The following TNFSF8 variants were observed in gnomAD, a reference collection of about 807,000 sequenced individuals.
The protein encoded by TNFSF8 is tumor necrosis factor ligand superfamily member 8.
A neutral mutation model predicts 22.0 loss-of-function variants in TNFSF8; 4 were observed. The ratio of observed to expected loss-of-function variants is 0.18; its 90% CI spans 0.09 to 0.42. The LOEUF (loss-of-function observed/expected upper bound fraction) is 0.42, where lower values mean the gene tolerates loss of function less well. Ranked by LOEUF, TNFSF8 falls within the 10% of genes least tolerant of loss-of-function variation. The pLI is 1.00. For synonymous variants in TNFSF8, 106 were observed against 112.5 expected (o/e 0.94, Z 0.37); for missense variants, 233 against 281.8 (o/e 0.83, Z 1.24).
chr9:114,928,964 G>A (rs146653082), intron 1 of TNFSF8, among the ~76,000 whole-genome samples: 1 of 152,118 alleles, frequency 6.6e-6, no homozygotes, highest in Admixed American at 6.5e-5. Context: ...AAATTCAGCA[G>A]GATTATAATA....
rs925205599 is a variant in TNFSF8 at position 114,893,945 on chromosome 9, G to C, written c.*134C>G. ...CAGGTCTAGATGATTCTGTTTGTGG[G>C]GGGTGAACCGTTTCCTGGCTATGTC... On this transcript the variant is annotated 3_prime_UTR_variant, in exon 5 of 5. Coordinates refer to the TNFSF8 transcript ENST00000618336. 21 of 692,962 alleles carry C rather than the reference G, an allele frequency of 3.0e-5. No homozygotes were observed. In the South Asian group the frequency reaches 3.0e-4, roughly 10 times the overall value. 42.9% of individuals were successfully genotyped at this position (692,962 alleles called of 1,614,324 possible).
chr9:114,917,548 T>C (rs904075477), intron 2 of TNFSF8, among the ~76,000 whole-genome samples: 1 of 152,176 alleles, frequency 6.6e-6, no homozygotes, highest in Non-Finnish European at 1.5e-5. Flanking sequence ...ACTTCAATGA[T>C]TGGAAATATA....
rs761869224 is a variant in TNFSF8, at chr9:114,904,319, T to C, written c.317A>G (p.Lys106Arg). Residue 106 changes from lysine to arginine, a missense_variant, in exon 4 of 4, where the codon AAG (lysine) becomes AGG (arginine). Coordinates refer to ENST00000223795, the MANE Select transcript of TNFSF8 (RefSeq NM_001244.4). ...KKSWAYLQVA[K>R]HLNKTKLSWN... Reference sequence around the variant, plus strand: ...AGACAACTTGGTTTTGTTTAGATGCTTTGCCACTAGAAAGAGAAGTATAGA... The same window carrying C: ...AGACAACTTGGTTTTGTTTAGATGCCTTGCCACTAGAAAGAGAAGTATAGA... 5.6e-6 allele frequency: 9 copies of C among 1,602,030 alleles called. No homozygotes were observed. Among genetic ancestry groups the C allele is most frequent in the Non-Finnish European group, 6.0e-6 (7 of 1,173,188 alleles).
intron 2 of TNFSF8, among the ~76,000 whole-genome samples, chr9:114,907,963 G>A (rs1827804868): frequency 6.6e-6 from 1 of 152,186 alleles, no homozygotes; most frequent in South Asian, 2.1e-4. Flanking sequence ...ATTCCTGACT[G>A]CTGTCCGGGA....
chr9:114,930,417 G>T lies in TNFSF8; in HGVS notation c.-114C>A. 1 of 900,364 alleles carries T rather than the reference G, an allele frequency of 1.1e-6. No individual in the cohort carries two copies. The highest frequency in any genetic ancestry group is 1.5e-6 in the Non-Finnish European group (1 of 659,372). 55.8% of individuals were successfully genotyped at this position (900,364 alleles called of 1,614,324 possible). ...CCTGAATCCTGAATCATGTGACTTG[G>T]AAAAAAACCTTCACCTGCTGCCTGG... On this transcript the variant is annotated 5_prime_UTR_variant, in exon 1 of 4. Coordinates refer to ENST00000223795, the MANE Select transcript of TNFSF8 (RefSeq NM_001244.4).
chr9:114,921,661 C>G (rs187275419), intron 1 of TNFSF8, among the ~76,000 whole-genome samples: 9 of 152,338 alleles, frequency 5.9e-5, no homozygotes, highest in Non-Finnish European at 1.2e-4. Flanking sequence ...TCCTAGAATT[C>G]TCTCCCTAAT....
chr9:114,925,520 A>G (rs879283005), intron 1 of TNFSF8, among the ~76,000 whole-genome samples: 23 of 152,066 alleles, frequency 1.5e-4, no homozygotes, highest in Non-Finnish European at 4.4e-5. Context: ...TTCTAAGGGT[A>G]TGCTTCAGTT....
chr9:114,930,149 A>G lies in TNFSF8; in HGVS notation c.155T>C (p.Phe52Ser). The G allele has an allele frequency of 1.3e-6, 2 of 1,583,708 alleles. No homozygotes were observed. The highest frequency in any genetic ancestry group is 2.4e-5 in the East Asian group (1 of 41,732). Residue 52 changes from phenylalanine (F) to serine (S), a missense_variant, in exon 1 of 4, where the codon TTC becomes TCC. By Grantham distance (155) the Phe-to-Ser change is radical. Transcript: ENST00000223795. ...TTATLALCLV[F>S]TVATIMVLVV... ...CAACACCATAATAGTGGCCACCGTGAAGACAAGGCACAGAGCCAGAGTGGC... is the reference window on the plus strand; with the variant it reads ...CAACACCATAATAGTGGCCACCGTGGAGACAAGGCACAGAGCCAGAGTGGC...
intron 2 of TNFSF8, among the ~76,000 whole-genome samples, chr9:114,916,192 A>G (rs1827916596): frequency 1.3e-5 from 2 of 152,222 alleles, no homozygotes; most frequent in Admixed American, 6.5e-5. Context: ...GGACATTTTG[A>G]CACACAAAAA....
chr9:114,922,296 CTGTT>C (rs1274432644), intron 1 of TNFSF8, among the ~76,000 whole-genome samples: 1 of 152,150 alleles, frequency 6.6e-6, no homozygotes, highest in Non-Finnish European at 1.5e-5. Flanking sequence ...AAAGGCAGCT[CTGTT>C]TGGAATATGC....
chr9:114,912,594 T>G (rs542672511), intron 2 of TNFSF8, among the ~76,000 whole-genome samples: 1 of 152,304 alleles, frequency 6.6e-6, no homozygotes, highest in African/African-American at 2.4e-5. Context: ...TTTCACCATG[T>G]TGGCCAGAAT....
intron 1 of TNFSF8, among the ~76,000 whole-genome samples, chr9:114,921,327 A>G (rs946475646): frequency 2.0e-5 from 3 of 152,224 alleles, no homozygotes; most frequent in African/African-American, 7.2e-5. Context: ...AATCAAAGCC[A>G]GAGGGAGATT....
intron 1 of TNFSF8, among the ~76,000 whole-genome samples, chr9:114,923,729 C>T (rs1443607271): frequency 1.3e-5 from 2 of 151,846 alleles, no homozygotes; most frequent in Admixed American, 1.3e-4. Flanking sequence ...TGTTGGCCAG[C>T]CTGGTCTTGA....
intron 2 of TNFSF8, 135 bp downstream of exon 2, chr9:114,917,961 C>G: frequency 1.3e-6 from 1 of 775,626 alleles, no homozygotes; most frequent in Non-Finnish European, 2.0e-6. Flanking sequence ...CCTGAACAGC[C>G]CTTGCCTCCA....
In TNFSF8 at chr9:114,916,394, G is replaced by A. The variant is rs748525793; in HGVS notation, c.238+1702C>T. Among the ~76,000 whole-genome samples the A allele has an allele frequency of 5.3e-5, 8 of 152,276 alleles. No individual in the cohort carries two copies. In the South Asian group the frequency reaches 1.5e-3, roughly 28 times the overall value. On this transcript the variant is annotated intron_variant, in intron 2 of 3. Coordinates refer to ENST00000223795, the MANE Select transcript of TNFSF8 (RefSeq NM_001244.4). ...CTTTGCATTGAAGTGCTCTTTAGGC[G>A]AGGAAACTGAGATCCAGAATGGCTA...
At chr9:114,921,300 G>A (rs1255158494) in intron 1 of TNFSF8, among the ~76,000 whole-genome samples, 14 of 152,118 alleles carry the variant, frequency 9.2e-5, no homozygotes, top group South Asian at 2.1e-4. Flanking sequence ...AGCTACCCAT[G>A]GTAGTCAAGA....
At chr9:114,907,130 G>T (rs1427492864) in intron 2 of TNFSF8, among the ~76,000 whole-genome samples, 1 of 152,166 alleles carries the variant, frequency 6.6e-6, no homozygotes, top group Non-Finnish European at 1.5e-5. Context: ...GCTTCATGGG[G>T]GCTTTGGAGT....
intron 2 of TNFSF8, among the ~76,000 whole-genome samples, chr9:114,913,915 G>A (rs1033222379): frequency 6.6e-5 from 10 of 152,222 alleles, no homozygotes; most frequent in African/African-American, 2.2e-4. Context: ...GATGCAATGA[G>A]GGAGTACAAG....
intron 2 of TNFSF8, among the ~76,000 whole-genome samples, chr9:114,913,386 C>T (rs1827875704): frequency 6.6e-6 from 1 of 152,170 alleles, no homozygotes; most frequent in Non-Finnish European, 1.5e-5. Context: ...TGAAATTCAG[C>T]CTCTAGAACC....
Sources: allele counts gnomAD v4.1 joint callset (sites outside exome capture counted in the v4.1 genomes callset), GRCh38; gene constraint gnomAD v4.1.1; transcripts MANE v1.5; gene names NCBI Gene and HGNC (gene_info 2026-07-23, HGNC 2026-07-21).